Variants in GALNT2 observed in about 807,000 individuals in gnomAD.
GALNT2 encodes polypeptide N-acetylgalactosaminyltransferase 2, also known as UDP-GalNAc:polypeptide N-acetylgalactosaminyltransferase 2.
Under a neutral mutation model 81.4 loss-of-function variants are expected in GALNT2, and 31 were observed. The observed-to-expected ratio is 0.38, with a 90% CI of 0.29 to 0.51. The LOEUF is 0.51. Among genes scored for constraint, GALNT2 ranks in the 20% least tolerant of loss-of-function variants. The pLI is 0.87. For synonymous variants in GALNT2, 303 were observed against 287.4 expected (o/e 1.05, Z -0.55); for missense variants, 629 against 765.7 (o/e 0.82, Z 2.11).
At chr1:230,274,917 G>C (rs1403011888) in intron 15 of GALNT2, among the ~76,000 whole-genome samples, 2 of 151,738 alleles carry the variant, frequency 1.3e-5, no homozygotes. Flanking sequence ...AAGTGTGTGT[G>C]TCTATGTGTG....
rs189665156 is a variant in GALNT2, at chr1:230,091,163, G to C, written c.126+23757G>C. 2.4e-3 allele frequency among the ~76,000 whole-genome samples: 372 copies of C among 151,990 alleles called. 3 individuals are homozygous for C. The highest frequency in any genetic ancestry group is 0.023 in the Admixed American group (347 of 15,274). On this transcript the variant is annotated intron_variant, in intron 1 of 15. Coordinates refer to ENST00000366672, the MANE Select transcript of GALNT2 (RefSeq NM_004481.5). ...AGCTCACTGCAGCCTCCGCCTCCTGGGTTCAATCTATTCTCCTGCCTCAGC... is the reference window on the plus strand; with the variant it reads ...AGCTCACTGCAGCCTCCGCCTCCTGCGTTCAATCTATTCTCCTGCCTCAGC...
chr1:230,116,237 CT>C (rs943656261), intron 1 of GALNT2, among the ~76,000 whole-genome samples: 68 of 147,748 alleles, frequency 4.6e-4, no homozygotes, highest in African/African-American at 9.1e-4. Flanking sequence ...AAACATCTTT[CT>C]TTTTTTTTTT....
intron 1 of GALNT2, among the ~76,000 whole-genome samples, chr1:230,115,668 C>CT (rs1660823259): frequency 6.6e-6 from 1 of 152,174 alleles, no homozygotes; most frequent in African/African-American, 2.4e-5. Flanking sequence ...TAAAAGAAGA[C>CT]AACAATGAAA....
chr1:230,232,497 A>G (rs1461585886), intron 3 of GALNT2, among the ~76,000 whole-genome samples: 1 of 152,174 alleles, frequency 6.6e-6, no homozygotes, highest in East Asian at 1.9e-4. Context: ...GTTTACTATG[A>G]TGTAGCATGA....
intron 3 of GALNT2, among the ~76,000 whole-genome samples, chr1:230,203,594 T>A (rs1391261289): frequency 6.6e-6 from 1 of 152,196 alleles, no homozygotes; most frequent in Non-Finnish European, 1.5e-5. Context: ...AGTGATCACT[T>A]GTTATTTTTA....
At chr1:230,064,000 T>A (rs1393416543), upstream of GALNT2, among the ~76,000 whole-genome samples, 2 of 152,226 alleles carry the variant, frequency 1.3e-5, no homozygotes, top group Non-Finnish European at 2.9e-5. Flanking sequence ...CTTTCATTAT[T>A]TGGTATGTAT....
chr1:230,212,522 T>C (rs1664264081), intron 3 of GALNT2, among the ~76,000 whole-genome samples: 1 of 152,232 alleles, frequency 6.6e-6, no homozygotes, highest in Admixed American at 6.5e-5. Context: ...GAAGTGAGAC[T>C]GCTTGTGTGT....
intron 2 of GALNT2, among the ~76,000 whole-genome samples, chr1:230,178,571 ATTAG>A (rs761703081): frequency 1.3e-5 from 2 of 152,240 alleles, no homozygotes; most frequent in Non-Finnish European, 2.9e-5. Context: ...ATTAGTATAT[ATTAG>A]TTCATGAAAT....
At chr1:230,266,050 C>T (rs1666028654) in intron 14 of GALNT2, among the ~76,000 whole-genome samples, 1 of 152,060 alleles carries the variant, frequency 6.6e-6, no homozygotes, top group Non-Finnish European at 1.5e-5. Flanking sequence ...AAAAATTAGC[C>T]AAGCGTGGTG....
intron 1 of GALNT2, among the ~76,000 whole-genome samples, chr1:230,161,383 C>T (rs1662431508): frequency 6.6e-6 from 1 of 152,204 alleles, no homozygotes; most frequent in Non-Finnish European, 1.5e-5. Flanking sequence ...TAAGCCCCTC[C>T]TTGCCTCGTG....
intron 2 of GALNT2, 144 bp downstream of exon 2, chr1:230,178,455 C>A: frequency 3.4e-6 from 2 of 584,186 alleles, no homozygotes; most frequent in South Asian, 2.6e-5. Flanking sequence ...ACTGCTTTGC[C>A]AACTTCCATC....
At chr1:230,224,360 C>G (rs10489616) in intron 3 of GALNT2, among the ~76,000 whole-genome samples, 2,448 of 152,290 alleles carry the variant, frequency 0.016, 48 homozygotes, top group African/African-American at 0.053. Context: ...TGAAATGACT[C>G]TAGCCTTAAA....
At position 230,243,515 on chromosome 1, in the gene GALNT2, G is replaced by C; in HGVS notation, c.729+88G>C. On this transcript the variant is annotated intron_variant, in intron 7 of 15. Coordinates refer to ENST00000366672, the MANE Select transcript of GALNT2 (RefSeq NM_004481.5). The surrounding 1 kb of genome is among the most constrained non-coding windows in gnomAD (Gnocchi z 4.2). ...GAGCATGGTCCAGGGGAGGTGTAAC[G>C]CAGGGAGTAGGGCGTCAGGGCTGGT... is the stretch of plus-strand genomic sequence containing the variant. 1 of 1,513,540 alleles carries C rather than the reference G, an allele frequency of 6.6e-7. No individual in the cohort carries two copies. Among genetic ancestry groups the C allele is most frequent in the Non-Finnish European group, 8.8e-7 (1 of 1,130,794 alleles). 93.8% of individuals were successfully genotyped at this position (1,513,540 alleles called of 1,614,324 possible).
At chr1:230,232,836 A>C (rs562292550) in intron 3 of GALNT2, among the ~76,000 whole-genome samples, 1 of 152,314 alleles carries the variant, frequency 6.6e-6, no homozygotes, top group African/African-American at 2.4e-5. Flanking sequence ...AAAGACTTAG[A>C]TGTCAGGAGC....
At chr1:230,195,847 G>GT (rs79219306) in intron 2 of GALNT2, among the ~76,000 whole-genome samples, 27,069 of 151,936 alleles carry the variant, frequency 0.18, 2,880 homozygotes, top group African/African-American at 0.3. Context: ...CTGGACGTGA[G>GT]TTTGGGGCTT....
rs1483335910 is a variant in GALNT2, at chr1:230,271,909, G to T, written c.1441-2536G>T. On this transcript the variant is annotated intron_variant, in intron 14 of 15. Coordinates refer to ENST00000366672, the MANE Select transcript of GALNT2 (RefSeq NM_004481.5). The surrounding 1 kb of genome is among the most constrained non-coding windows in gnomAD (Gnocchi z 4.2). ...GAGGATGGGGTGGCGGGGGACTGAC[G>T]GTTTCAAGCTTCTCAGCATAACCTG... is the stretch of plus-strand genomic sequence containing the variant. Among the ~76,000 whole-genome samples, 1 of 152,172 alleles carries T rather than the reference G, an allele frequency of 6.6e-6. No individual in the cohort carries two copies. Among genetic ancestry groups the T allele is most frequent in the Non-Finnish European group, 1.5e-5 (1 of 68,020 alleles).
intron 2 of GALNT2, among the ~76,000 whole-genome samples, chr1:230,185,139 C>G (rs377581414): frequency 8.5e-5 from 13 of 152,094 alleles, no homozygotes; most frequent in African/African-American, 2.9e-4. Context: ...TTGTGTGTTA[C>G]CTACTTTTTC....
chr1:230,144,916 A>T (rs1231254341), intron 1 of GALNT2, among the ~76,000 whole-genome samples: 2 of 152,078 alleles, frequency 1.3e-5, no homozygotes, highest in African/African-American at 2.4e-5. Flanking sequence ...GGATGAGTTT[A>T]TCTTTGGCAG....
intron 1 of GALNT2, among the ~76,000 whole-genome samples, chr1:230,086,042 C>G (rs1470043685): frequency 9.9e-5 from 15 of 152,182 alleles, no homozygotes; most frequent in Admixed American, 9.8e-4. Flanking sequence ...GGAACGAACT[C>G]GGGTTCCACC....
Sources: allele counts gnomAD v4.1 joint callset (sites outside exome capture counted in the v4.1 genomes callset), GRCh38; gene constraint gnomAD v4.1.1; non-coding constraint Gnocchi (gnomAD v3.1); transcripts MANE v1.5; gene names NCBI Gene and HGNC (gene_info 2026-07-23, HGNC 2026-07-21).